IGSF11: variants seen among roughly 807,000 people sequenced by gnomAD.
The protein encoded by IGSF11 is CXADR like 1.
IGSF11 carries 22 observed loss-of-function variants against 41.0 expected under a neutral mutation model. The observed-to-expected ratio is 0.54, with a 90% CI of 0.38 to 0.77. The LOEUF (loss-of-function observed/expected upper bound fraction) is 0.77, where lower values mean the gene tolerates loss of function less well. Ranked by LOEUF, IGSF11 falls within the 30% of genes least tolerant of loss-of-function variation. The pLI is 0.00. For missense variants in IGSF11, 444 were observed against 530.8 expected, an observed-to-expected ratio of 0.84 and a Z score of 1.61; for synonymous variants, 219 against 201.3, an observed-to-expected ratio of 1.09 and a Z score of -0.74.
intron 1 of IGSF11, among the ~76,000 whole-genome samples, chr3:119,007,443 A>T (rs1041947155): frequency 8.6e-5 from 13 of 151,760 alleles, no homozygotes; most frequent in Non-Finnish European, 1.6e-4. Context: ...TCACGCTGGG[A>T]GCTGTAGACC....
intron 1 of IGSF11, among the ~76,000 whole-genome samples, chr3:118,943,364 A>C (rs1943852236): frequency 6.6e-6 from 1 of 152,234 alleles, no homozygotes; most frequent in East Asian, 1.9e-4. Flanking sequence ...AATAAATCTT[A>C]ATGCCCTAAG....
At chr3:119,003,201 T>C (rs747000791) in intron 1 of IGSF11, among the ~76,000 whole-genome samples, 6 of 145,054 alleles carry the variant, frequency 4.1e-5, no homozygotes, top group Non-Finnish European at 8.9e-5. Flanking sequence ...CCCTTGTAAG[T>C]TGGATTCCTA....
chr3:119,083,883 T>C (rs72953047), intron 1 of IGSF11, among the ~76,000 whole-genome samples: 2,426 of 152,256 alleles, frequency 0.016, 59 homozygotes, highest in African/African-American at 0.055. Context: ...AAAAATTTAA[T>C]GTAAATAGCC....
chr3:119,033,257 T>G (rs1460775224), intron 1 of IGSF11, among the ~76,000 whole-genome samples: 3 of 152,356 alleles, frequency 2.0e-5, no homozygotes, highest in South Asian at 2.1e-4. Flanking sequence ...TATTTAGAGC[T>G]GTGTCCAAGG....
chr3:118,957,326 T>C (rs1041017643), intron 1 of IGSF11, among the ~76,000 whole-genome samples: 34 of 152,046 alleles, frequency 2.2e-4, no homozygotes, highest in African/African-American at 8.0e-4. Context: ...ACAGACACAC[T>C]CAGAAAAAAA....
chr3:119,106,622 A>G (rs1475586749), upstream of IGSF11, among the ~76,000 whole-genome samples: 1 of 152,136 alleles, frequency 6.6e-6, no homozygotes, highest in Non-Finnish European at 1.5e-5. Context: ...GTTTTAGGGT[A>G]CATGTGCACA....
At chr3:119,034,266 G>C (rs879610618) in intron 1 of IGSF11, among the ~76,000 whole-genome samples, 1 of 152,224 alleles carries the variant, frequency 6.6e-6, no homozygotes, top group Non-Finnish European at 1.5e-5. Flanking sequence ...AGCGAGGTGA[G>C]AGTCAGGGCC....
At chr3:119,120,420 G>A (rs1035655186) in intron 1 of IGSF11, among the ~76,000 whole-genome samples, 5 of 152,194 alleles carry the variant, frequency 3.3e-5, no homozygotes, top group African/African-American at 4.8e-5. Context: ...GGACACACAT[G>A]AGGAGTGGAT....
intron 1 of IGSF11, among the ~76,000 whole-genome samples, chr3:118,979,344 A>G (rs1331003224): frequency 1.3e-5 from 2 of 152,200 alleles, no homozygotes; most frequent in Admixed American, 1.3e-4. Flanking sequence ...ATTTAATAAA[A>G]TAACAGATGA....
chr3:118,939,763 G>T (rs574657446), intron 1 of IGSF11, among the ~76,000 whole-genome samples: 41 of 152,100 alleles, frequency 2.7e-4, no homozygotes, highest in Admixed American at 1.2e-3. Context: ...AAGAAGAAAG[G>T]TTTATAATCA....
chr3:119,026,150 T>C (rs1469338998), intron 1 of IGSF11, among the ~76,000 whole-genome samples: 1 of 152,196 alleles, frequency 6.6e-6, no homozygotes, highest in East Asian at 1.9e-4. Context: ...AAATACTTCT[T>C]CATTGAGTTT....
chr3:119,105,110 A>T, intron 1 of IGSF11: 1 of 1,434,440 alleles, frequency 7.0e-7, no homozygotes, highest in Non-Finnish European at 9.8e-7. Flanking sequence ...AACCACTAAT[A>T]GTAATAAAAC....
chr3:119,065,707 T>C (rs1312041472), intron 1 of IGSF11, among the ~76,000 whole-genome samples: 3 of 149,500 alleles, frequency 2.0e-5, no homozygotes, highest in Non-Finnish European at 4.4e-5. Flanking sequence ...ACAGGAGAAT[T>C]GCTTGAATCC....
At chr3:119,125,459 T>G (rs1290455338) in intron 1 of IGSF11, among the ~76,000 whole-genome samples, 5 of 152,022 alleles carry the variant, frequency 3.3e-5, no homozygotes. Flanking sequence ...GGGCAGGGGA[T>G]GGACGTTACA....
intron 1 of IGSF11, among the ~76,000 whole-genome samples, chr3:119,004,283 T>C (rs1331198396): frequency 9.9e-5 from 15 of 151,754 alleles, no homozygotes; most frequent in Non-Finnish European, 2.1e-4. Context: ...GATGGTAGTT[T>C]GTATTTCTGT....
At chr3:118,916,368 C>G (rs1258655484) in intron 4 of IGSF11, among the ~76,000 whole-genome samples, 2 of 151,848 alleles carry the variant, frequency 1.3e-5, no homozygotes, top group Admixed American at 1.3e-4. Flanking sequence ...ACCCATCTCA[C>G]GTGCAGAGAT....
chr3:118,912,040 T>A (rs1196515195), intron 4 of IGSF11, among the ~76,000 whole-genome samples: 3 of 152,200 alleles, frequency 2.0e-5, no homozygotes, highest in South Asian at 4.1e-4. Context: ...GAAAAACGTA[T>A]AATCTAGTTT....
intron 1 of IGSF11, among the ~76,000 whole-genome samples, chr3:119,136,508 AAAG>A (rs1483184151): frequency 2.6e-5 from 4 of 152,304 alleles, no homozygotes; most frequent in South Asian, 2.1e-4. Flanking sequence ...GAAATCAAAC[AAAG>A]AGCAGGAGTA....
chr3:119,034,664 C>T lies in IGSF11; in HGVS notation c.-82G>A, dbSNP rs1272640247. On this transcript the variant is annotated 5_prime_UTR_variant, in exon 1 of 7. Coordinates refer to ENST00000393775, the MANE Select transcript of IGSF11 (RefSeq NM_001015887.3). ...AGGAGCGGGCGTGAGTCTCCGCGCTCTTGGGGCAGCCTGGTCCTCCCACAC... is the reference window on the plus strand; with the variant it reads ...AGGAGCGGGCGTGAGTCTCCGCGCTTTTGGGGCAGCCTGGTCCTCCCACAC... 2 of 1,463,062 alleles carry T rather than the reference C, an allele frequency of 1.4e-6. No homozygotes were observed. The allele number at this position is 1,463,062 out of a possible 1,614,324, so 90.6% of individuals were successfully genotyped here. A position where few individuals can be genotyped will look rare whatever the true frequency, so the allele number is the denominator to read the frequency against.
Sources: allele counts gnomAD v4.1 joint callset (sites outside exome capture counted in the v4.1 genomes callset), GRCh38; gene constraint gnomAD v4.1.1; transcripts MANE v1.5; gene names NCBI Gene and HGNC (gene_info 2026-07-23, HGNC 2026-07-21).